The following PCDHGA2 variants were observed in gnomAD, a reference collection of about 807,000 sequenced individuals.
PCDHGA2 encodes the protein protocadherin gamma-A2.
PCDHGA2 carries 40 observed loss-of-function variants against 59.2 expected under a neutral mutation model. The observed-to-expected ratio is 0.68, with a 90% CI of 0.52 to 0.88. PCDHGA2 has a LOEUF of 0.88. Ranked by LOEUF, PCDHGA2 falls within the 40% of genes least tolerant of loss-of-function variation. PCDHGA2 has a pLI of 0.00. For missense variants in PCDHGA2, 1,226 were observed against 1,204.0 expected (o/e 1.02, Z -0.27); for synonymous variants, 560 against 526.0 (o/e 1.06, Z -0.89).
chr5:141,403,688 A>T (rs1385402830), intron 1 of PCDHGA2: 1 of 1,613,836 alleles, frequency 6.2e-7, no homozygotes, highest in Non-Finnish European at 8.5e-7. Flanking sequence ...TGCTCAACGG[A>T]TTTACCGAGT....
At chr5:141,422,280 C>G (rs748287385) in intron 1 of PCDHGA2, 9 of 1,557,754 alleles carry the variant, frequency 5.8e-6, no homozygotes, top group Non-Finnish European at 7.8e-6. Flanking sequence ...TAACTATCAC[C>G]TCTTCTATTA....
chr5:141,460,172 G>T (rs545017378), intron 1 of PCDHGA2, among the ~76,000 whole-genome samples: 1 of 151,852 alleles, frequency 6.6e-6, no homozygotes, highest in South Asian at 2.1e-4. Flanking sequence ...ATATTTTGTG[G>T]ATATTTTATC....
At chr5:141,376,617 G>A (rs1235600949) in intron 1 of PCDHGA2, 24 of 1,406,610 alleles carry the variant, frequency 1.7e-5, no homozygotes, top group Non-Finnish European at 2.2e-5. Context: ...ACCTCTTTTG[G>A]TACAGGAAGA....
Position 141,371,960 on chromosome 5 carries a change from C to A in PCDHGA2, c.2424+30565C>A, listed in dbSNP as rs771450244. On this transcript the variant is annotated intron_variant, in intron 1 of 3. Transcript: ENST00000394576. ...TGTTCGCGCAGCGAGCCTTCGACCACGAGCAGCTGCGTGCCTTCGAGCTCA... is the reference window on the plus strand; with the variant it reads ...TGTTCGCGCAGCGAGCCTTCGACCAAGAGCAGCTGCGTGCCTTCGAGCTCA... 1.9e-6 allele frequency: 3 copies of A among 1,613,142 alleles called. No homozygotes were observed. The African/African-American group carries it at 4.0e-5, about 22-fold the overall frequency.
chr5:141,354,337 C>A (rs1013818427), intron 1 of PCDHGA2, among the ~76,000 whole-genome samples: 3 of 152,134 alleles, frequency 2.0e-5, no homozygotes, highest in Non-Finnish European at 2.9e-5. Flanking sequence ...AGGTATTGTT[C>A]TAAAGATTGA....
chr5:141,361,258 G>A (rs957502744), intron 1 of PCDHGA2: 9 of 1,613,960 alleles, frequency 5.6e-6, no homozygotes, highest in South Asian at 1.1e-5. Context: ...GAGAGACAGA[G>A]ACTCTGGAGA....
At chr5:141,374,042 C>G (rs757758510) in intron 1 of PCDHGA2, 4 of 1,460,408 alleles carry the variant, frequency 2.7e-6, no homozygotes, top group Admixed American at 5.4e-5. Context: ...CAGATCTGTT[C>G]TTCCTCTTCT....
At chr5:141,383,449 A>C (rs1231609078) in intron 1 of PCDHGA2, 1 of 1,613,892 alleles carries the variant, frequency 6.2e-7, no homozygotes, top group South Asian at 1.1e-5. Context: ...GGCTGTGCAA[A>C]GTGGAGACGA....
intron 1 of PCDHGA2, chr5:141,367,617 A>T: frequency 6.6e-6 from 1 of 152,160 alleles, no homozygotes; most frequent in East Asian, 1.9e-4. Context: ...AACATGTAGC[A>T]TTCTAAAGTC....
chr5:141,376,681 T>TTTTTTG, intron 1 of PCDHGA2: 1 of 745,704 alleles, frequency 1.3e-6, no homozygotes, highest in Non-Finnish European at 2.0e-6. Context: ...GTATCGTTTT[T>TTTTTTG]TTTTTTTTTT....
At chr5:141,393,857 C>A (rs753457502) in intron 1 of PCDHGA2, 3 of 1,613,860 alleles carry the variant, frequency 1.9e-6, no homozygotes, top group Non-Finnish European at 2.5e-6. Flanking sequence ...CAGAAGTGAT[C>A]ATTACGTCTT....
chr5:141,383,635 C>G (rs1226106296), intron 1 of PCDHGA2: 6 of 1,613,966 alleles, frequency 3.7e-6, no homozygotes, highest in Non-Finnish European at 5.1e-6. Context: ...CTCTCTGCCT[C>G]AGTACCAAGT....
rs1001555249 is a variant in PCDHGA2, at chr5:141,486,728, G to A, written c.2425-8079G>A. The A allele has an allele frequency of 1.2e-6, 2 of 1,614,200 alleles. No homozygotes were observed. The highest frequency in any genetic ancestry group is 1.7e-6 in the Non-Finnish European group (2 of 1,180,052). On this transcript the variant is annotated intron_variant, in intron 1 of 3. Transcript: ENST00000394576. This position sits in a 1 kb window ranked among gnomAD's most constrained non-coding sequence, Gnocchi z 5.0. Reference sequence around the variant, plus strand: ...GAACCCCCAGACAGGAGCTGTTCATGCTACTCGATCCTTTGACTATGAGCA... The same window carrying A: ...GAACCCCCAGACAGGAGCTGTTCATACTACTCGATCCTTTGACTATGAGCA...
At chr5:141,392,644 A>C in intron 1 of PCDHGA2, 1 of 663,560 alleles carries the variant, frequency 1.5e-6, no homozygotes, top group Non-Finnish European at 2.4e-6. Flanking sequence ...CACCTCACGA[A>C]GACCCGCAGA....
chr5:141,352,417 T>A, intron 1 of PCDHGA2: 4 of 1,614,054 alleles, frequency 2.5e-6, no homozygotes, highest in Non-Finnish European at 3.4e-6. Context: ...GCCTCGACAC[T>A]GAGGGCTGCT....
At position 141,340,621 on chromosome 5, in the gene PCDHGA2, G is replaced by C; in HGVS notation, c.1650G>C (p.Leu550=). 1.2e-6 allele frequency: 2 copies of C among 1,614,234 alleles called. No individual in the cohort carries two copies. Among genetic ancestry groups the C allele is most frequent in the Non-Finnish European group, 8.5e-7 (1 of 1,180,044 alleles). ...PPLSSNVSLS[L]FVLDQNDNAP... is the part of the protein sequence containing the mutation. Reference sequence around the variant, plus strand: ...TCAGTAGCAATGTATCATTAAGCCTGTTCGTGCTGGACCAGAACGACAACG... The same window carrying C: ...TCAGTAGCAATGTATCATTAAGCCTCTTCGTGCTGGACCAGAACGACAACG... Residue 550 remains leucine (L), a synonymous_variant, in exon 1 of 4, where the codon CTG becomes CTC. Transcript: ENST00000394576.
At chr5:141,361,859 T>C in intron 1 of PCDHGA2, 4 of 1,612,236 alleles carry the variant, frequency 2.5e-6, no homozygotes, top group Non-Finnish European at 3.4e-6. Flanking sequence ...TCCGCCCTCT[T>C]CGATATGGTG....
intron 1 of PCDHGA2, chr5:141,392,986 A>G (rs573495684): frequency 1.9e-6 from 3 of 1,613,454 alleles, no homozygotes; most frequent in East Asian, 4.5e-5. Context: ...GACCCCCGGA[A>G]GCTGGCGAAG....
intron 1 of PCDHGA2, among the ~76,000 whole-genome samples, chr5:141,461,958 G>C (rs1048690044): frequency 4.5e-4 from 69 of 152,272 alleles, no homozygotes; most frequent in Non-Finnish European, 2.9e-4. Context: ...TGAGTAGCTG[G>C]GATTCCAGGC....
Sources: gnomAD v4.1 joint callset for allele counts (sites outside exome capture counted in the v4.1 genomes callset) on GRCh38, gnomAD v4.1.1 for gene constraint, Gnocchi (gnomAD v3.1) non-coding constraint, MANE v1.5 for transcripts, NCBI Gene and HGNC (gene_info 2026-07-23, HGNC 2026-07-21) for gene names.